The following ATP1B4 variants were observed in gnomAD, a reference collection of about 807,000 sequenced individuals.
ATP1B4 encodes protein ATP1B4.
Under a neutral mutation model 29.6 loss-of-function variants are expected in ATP1B4, and 32 were observed. The ratio of observed to expected loss-of-function variants is 1.08; its 90% confidence interval spans 0.82 to 1.45. The LOEUF is 1.45. Ranked by LOEUF, ATP1B4 falls within the 40% of genes most tolerant of loss-of-function variation. The probability of loss-of-function intolerance (pLI) is 0.00; values close to 1 mark genes in which losing one functional copy is unlikely to be tolerated. For synonymous variants in ATP1B4, 127 were observed against 102.1 expected, an observed-to-expected ratio of 1.24 and a Z score of -1.47; for missense variants, 323 against 276.2, an observed-to-expected ratio of 1.17 and a Z score of -1.20.
At position 120,375,422 on chromosome X, in the gene ATP1B4, C is replaced by A. The variant is rs1274527772; in HGVS notation, c.613C>A (p.Gln205Lys). Residue 205 changes from glutamine (Q) to lysine (K), a missense_variant, in exon 5 of 8, where the codon CAG becomes AAG. Gln to Lys is a moderately conservative substitution (Grantham distance 53). Coordinates refer to ENST00000218008, the MANE Select transcript of ATP1B4 (RefSeq NM_001142447.3). ...AATGAATGTAGATTGTCCCCCGGGG[C>A]AGTACTTCATCCAAGATGGCAATGA... Reference protein sequence around the residue: ...EEMNVDCPPGQYFIQDGNEDE... With the variant: ...EEMNVDCPPGKYFIQDGNEDE... 2 of 1,210,829 alleles carry A rather than the reference C, an allele frequency of 1.7e-6. No homozygotes were observed. The highest frequency in any genetic ancestry group is 3.5e-5 in the South Asian group (2 of 56,868).
intron 1 of ATP1B4, among the ~76,000 whole-genome samples, chrX:120,364,701 A>G (rs1040314614): frequency 3.8e-4 from 43 of 112,049 alleles, no homozygotes; most frequent in Admixed American, 3.8e-3. Context: ...CCTTGATTAT[A>G]ATAAGCACCT....
intron 5 of ATP1B4, 33 bp downstream of exon 5, chrX:120,375,601 G>A: frequency 2.6e-6 from 3 of 1,141,386 alleles, no homozygotes; most frequent in Non-Finnish European, 3.6e-6. Flanking sequence ...GTGGTGATAA[G>A]CGAATGAACT....
Position 120,365,530 on chromosome X carries a change from A to G in ATP1B4, c.64-995A>G, listed in dbSNP as rs759885648. Among the ~76,000 whole-genome samples, 7 of 112,435 alleles carry G rather than the reference A, an allele frequency of 6.2e-5. No individual in the cohort carries two copies. The East Asian group carries it at 1.4e-3, about 23-fold the overall frequency. ...TAGTGTTTGACACATCCAACCCAAC[A>G]GGTGCACAGCCCCGCAACTCTTCAG... On this transcript the variant is annotated intron_variant, in intron 1 of 7. Transcript: ENST00000218008.
chrX:120,377,865 T>G, intron 6 of ATP1B4, among the ~76,000 whole-genome samples: 1 of 111,811 alleles, frequency 8.9e-6, no homozygotes, highest in South Asian at 3.7e-4. Flanking sequence ...CAAGAACAAT[T>G]ATAGTATATT....
chrX:120,365,107 T>C (rs1057467613), intron 1 of ATP1B4, among the ~76,000 whole-genome samples: 11 of 111,695 alleles, frequency 9.8e-5, no homozygotes, highest in African/African-American at 3.6e-4. Context: ...GAAACATCAT[T>C]GTCCAGGGTA....
rs780478361 is a variant in ATP1B4, at chrX:120,371,242, C to G, written c.562+32C>G. The G allele has an allele frequency of 4.5e-6, 5 of 1,116,196 alleles. No homozygotes were observed. In the East Asian group the frequency reaches 1.2e-4, roughly 27 times the overall value. 92.0% of individuals were successfully genotyped at this position (1,116,196 alleles called of 1,213,427 possible). A position where few individuals can be genotyped will look rare whatever the true frequency, so the allele number is the denominator to read the frequency against. On this transcript the variant is annotated intron_variant, in intron 4 of 7. Coordinates refer to ENST00000218008, the MANE Select transcript of ATP1B4 (RefSeq NM_001142447.3). ...AAGTTCGTCTGAATAGTGGAAAGCT[C>G]TTTTGAAAGGTGATGGGTGGGAATC... is the stretch of plus-strand genomic sequence containing the variant.
At position 120,362,248 on chromosome X, in the gene ATP1B4, A is replaced by T. The variant is rs1309851697; in HGVS notation, c.63+17A>T. ...TACAGACTCGTGAGTGCCAGAGAGC[A>T]GAATATTTTGCTGCCCCCTCCCCTT... On this transcript the variant is annotated intron_variant, in intron 1 of 7. Coordinates refer to ENST00000218008, the MANE Select transcript of ATP1B4 (RefSeq NM_001142447.3). The T allele has an allele frequency of 9.1e-6, 11 of 1,202,628 alleles. No homozygotes were observed. Among genetic ancestry groups the T allele is most frequent in the South Asian group, 5.3e-5 (3 of 56,765 alleles).
intron 1 of ATP1B4, among the ~76,000 whole-genome samples, chrX:120,364,821 A>G (rs1359088380): frequency 8.9e-6 from 1 of 111,831 alleles, no homozygotes; most frequent in Non-Finnish European, 1.9e-5. Flanking sequence ...GGCTCAAGTG[A>G]TCCTCCTGCC....
At chrX:120,369,552 C>A (rs2058302652) in intron 2 of ATP1B4, among the ~76,000 whole-genome samples, 1 of 112,005 alleles carries the variant, frequency 8.9e-6, no homozygotes, top group Non-Finnish European at 1.9e-5. Flanking sequence ...GGTCCAACAT[C>A]ATGTCATTTC....
intron 1 of ATP1B4, among the ~76,000 whole-genome samples, chrX:120,364,717 C>A (rs906021354): frequency 1.8e-5 from 2 of 111,707 alleles, no homozygotes; most frequent in Admixed American, 9.4e-5. Flanking sequence ...CACCTAAAAT[C>A]TTTTTTTGTG....
rs748728819 is a variant in ATP1B4, at chrX:120,379,590, C to A, written c.1030C>A (p.Arg344Ser). Residue 344 changes from arginine (R) to serine (S), a missense_variant, in exon 8 of 8, where the codon CGT becomes AGT. Coordinates refer to ENST00000218008, the MANE Select transcript of ATP1B4 (RefSeq NM_001142447.3). ...CGTCATAAATGATGTCATCAATGAT[C>A]GTTTTGTGGGCAGGGTAATCTTTAC... ...KGVINDVIND[R>S]FVGRVIFTLN... 4 of 1,210,579 alleles carry A rather than the reference C, an allele frequency of 3.3e-6. No homozygotes were observed. In the South Asian group the frequency reaches 7.0e-5, roughly 21 times the overall value.
intron 1 of ATP1B4, among the ~76,000 whole-genome samples, chrX:120,364,828 T>G (rs1354011195): frequency 1.8e-5 from 2 of 112,168 alleles, no homozygotes. Context: ...GTGATCCTCC[T>G]GCCTCAGCCT....
At position 120,375,472 on chromosome X, in the gene ATP1B4, A is replaced by G; in HGVS notation, c.663A>G (p.Gln221=). The part of the protein sequence containing the change: ...GNEDEDKKAC[Q]FKRSFLKNCS... ...AGGATGAGGACAAGAAGGCCTGCCA[A>G]TTTAAGCGCTCCTTCCTAAAGAACT... The change falls in exon 5 of 8, where the codon CAA becomes CAG. Residue 221 remains glutamine (Q), a synonymous_variant. Transcript: ENST00000218008. The G allele has an allele frequency of 8.3e-7, 1 of 1,211,314 alleles. No homozygotes were observed. The highest frequency in any genetic ancestry group is 1.1e-6 in the Non-Finnish European group (1 of 895,252).
intron 5 of ATP1B4, 54 bp downstream of exon 5, chrX:120,375,622 G>A: frequency 9.7e-7 from 1 of 1,029,125 alleles, no homozygotes; most frequent in Non-Finnish European, 1.3e-6. Context: ...AGATAGGAGG[G>A]CTCTGGCCAC....
rs1183353187 is a variant in ATP1B4 at position 120,366,764 on chromosome X, T to G, written c.303T>G (p.Phe101Leu). ...EYLWDPERRMFLARTGQSWSL... is the reference protein window; with the variant it reads ...EYLWDPERRMLLARTGQSWSL... ...TGTGGGATCCAGAGAGAAGGATGTT[T>G]CTGGCCCGAACAGGTCAGAGTTGGA... The change falls in exon 2 of 8, where the codon TTT becomes TTG. Residue 101 changes from phenylalanine to leucine, a missense_variant. Coordinates refer to ENST00000218008, the MANE Select transcript of ATP1B4 (RefSeq NM_001142447.3). The G allele has an allele frequency of 1.2e-5, 14 of 1,209,763 alleles. No individual in the cohort carries two copies. Among genetic ancestry groups the G allele is most frequent in the Non-Finnish European group, 1.3e-5 (12 of 894,965 alleles).
chrX:120,372,051 G>A (rs1204527939), intron 4 of ATP1B4, among the ~76,000 whole-genome samples: 1 of 112,377 alleles, frequency 8.9e-6, no homozygotes, highest in African/African-American at 3.2e-5. Flanking sequence ...CTGATCCCAA[G>A]TATTTTCGAG....
intron 4 of ATP1B4, among the ~76,000 whole-genome samples, chrX:120,371,715 C>A (rs2058314580): frequency 8.9e-6 from 1 of 112,238 alleles, no homozygotes; most frequent in Admixed American, 9.4e-5. Flanking sequence ...GTCGCCCAGG[C>A]TGGAGTGCAG....
intron 1 of ATP1B4, among the ~76,000 whole-genome samples, 200 bp downstream of exon 1, chrX:120,362,431 G>C (rs1040396726): frequency 8.1e-5 from 9 of 111,521 alleles, no homozygotes; most frequent in Admixed American, 1.9e-4. Flanking sequence ...TGGATAAAAG[G>C]AGGAAGCCCC....
At position 120,378,671 on chromosome X, in the gene ATP1B4, C is replaced by T. The variant is rs759012374; in HGVS notation, c.817-7C>T. 6 of 1,207,246 alleles carry T rather than the reference C, an allele frequency of 5.0e-6. No individual in the cohort carries two copies. Among genetic ancestry groups the T allele is most frequent in the Non-Finnish European group, 6.7e-6 (6 of 891,677 alleles). On this transcript the variant is annotated splice_polypyrimidine_tract_variant and splice_region_variant and intron_variant, in intron 6 of 7. Coordinates refer to ENST00000218008, the MANE Select transcript of ATP1B4 (RefSeq NM_001142447.3). Reference sequence around the variant, plus strand: ...AGCACCCCACATATACCTGCTTTTGCTTACAGAGAGGTGATGAAAATGACA... The same window carrying T: ...AGCACCCCACATATACCTGCTTTTGTTTACAGAGAGGTGATGAAAATGACA...
Sources: allele counts gnomAD v4.1 joint callset (sites outside exome capture counted in the v4.1 genomes callset), GRCh38; gene constraint gnomAD v4.1.1; transcripts MANE v1.5; gene names NCBI Gene and HGNC (gene_info 2026-07-23, HGNC 2026-07-21).